The following ROBO1 variants were observed in gnomAD, a reference collection of about 807,000 sequenced individuals.
The protein encoded by ROBO1 is roundabout guidance receptor 1, also known as roundabout homolog 1.
A neutral mutation model predicts 195.9 loss-of-function variants in ROBO1; 149 were observed. The observed-to-expected ratio is 0.76, with a 90% CI of 0.67 to 0.87. ROBO1 has a LOEUF of 0.87. Ranked by LOEUF, ROBO1 falls within the 40% of genes least tolerant of loss-of-function variation. The pLI is 0.00. For missense variants in ROBO1, 1,933 were observed against 2,068.3 expected (o/e 0.93, Z 1.27); for synonymous variants, 816 against 733.2 (o/e 1.11, Z -1.82).
At chr3:78,734,187 C>T (rs1410329561) in intron 5 of ROBO1, among the ~76,000 whole-genome samples, 7 of 151,966 alleles carry the variant, frequency 4.6e-5, no homozygotes, top group African/African-American at 1.2e-4. Flanking sequence ...CAAGAGTTGG[C>T]GGAATTCCAT....
intron 14 of ROBO1, among the ~76,000 whole-genome samples, chr3:78,662,515 T>A (rs952483522): frequency 2.0e-5 from 3 of 152,104 alleles, no homozygotes; most frequent in African/African-American, 7.2e-5. Flanking sequence ...GAAAAGAGAC[T>A]GAAATTGTAG....
At chr3:79,077,676 C>T (rs2079197783) in intron 3 of ROBO1, among the ~76,000 whole-genome samples, 1 of 151,700 alleles carries the variant, frequency 6.6e-6, no homozygotes. Context: ...TCTTAAATTT[C>T]AGGAGAAAAA....
intron 4 of ROBO1, among the ~76,000 whole-genome samples, chr3:78,818,739 G>C (rs9822237): frequency 0.034 from 5,157 of 152,242 alleles, 285 homozygotes; most frequent in African/African-American, 0.12. Context: ...CCTCGGCCTT[G>C]GCTTCCGGGA....
chr3:79,503,622 T>C (rs1266378579), intron 2 of ROBO1, among the ~76,000 whole-genome samples: 1 of 152,170 alleles, frequency 6.6e-6, no homozygotes, highest in Non-Finnish European at 1.5e-5. Context: ...TAGGTCTGTG[T>C]CGAAGGAGCA....
intron 2 of ROBO1, among the ~76,000 whole-genome samples, chr3:79,329,013 A>T (rs1001519160): frequency 7.9e-5 from 12 of 152,142 alleles, no homozygotes; most frequent in African/African-American, 2.9e-4. Flanking sequence ...GTACAATTTT[A>T]CTTCATTTGT....
At chr3:78,934,975 T>G (rs1386505275) in intron 4 of ROBO1, among the ~76,000 whole-genome samples, 3 of 152,028 alleles carry the variant, frequency 2.0e-5, no homozygotes, top group Admixed American at 6.6e-5. Context: ...GCATACATGG[T>G]CAGTTCATGT....
At chr3:79,765,981 C>T (rs1576336755) in intron 1 of ROBO1, among the ~76,000 whole-genome samples, 5 of 152,198 alleles carry the variant, frequency 3.3e-5, no homozygotes, top group Middle Eastern at 6.8e-3. Flanking sequence ...GCAGATGACA[C>T]AGAGGAGTTT....
chr3:78,732,049 T>C (rs905295290), intron 5 of ROBO1, among the ~76,000 whole-genome samples: 2 of 152,160 alleles, frequency 1.3e-5, no homozygotes, highest in African/African-American at 2.4e-5. Flanking sequence ...TATTTTCCTA[T>C]ATTTTGGATT....
intron 28 of ROBO1, among the ~76,000 whole-genome samples, chr3:78,609,475 T>C (rs1266577988): frequency 6.6e-6 from 1 of 152,170 alleles, no homozygotes; most frequent in African/African-American, 2.4e-5. Context: ...GGTGACCAGA[T>C]AAAAAGGACC....
At chr3:79,399,724 G>A (rs1398002552) in intron 2 of ROBO1, among the ~76,000 whole-genome samples, 1 of 152,088 alleles carries the variant, frequency 6.6e-6, no homozygotes, top group Non-Finnish European at 1.5e-5. Flanking sequence ...GAAAAAACCT[G>A]ATGCTTTCAG....
intron 2 of ROBO1, among the ~76,000 whole-genome samples, chr3:79,164,310 A>G (rs1033326507): frequency 6.6e-5 from 10 of 152,192 alleles, no homozygotes; most frequent in Non-Finnish European, 1.5e-4. Flanking sequence ...TGGTTTCAAA[A>G]GTATATAGCA....
intron 3 of ROBO1, among the ~76,000 whole-genome samples, chr3:79,065,455 C>G (rs2078988625): frequency 6.6e-6 from 1 of 151,704 alleles, no homozygotes; most frequent in Admixed American, 6.6e-5. Flanking sequence ...ATATAATTTC[C>G]CAATAAAGGA....
chr3:79,617,011 A>T (rs1383506071), intron 1 of ROBO1, among the ~76,000 whole-genome samples: 1 of 152,324 alleles, frequency 6.6e-6, no homozygotes, highest in Middle Eastern at 3.4e-3. Flanking sequence ...CTTCAGTTAC[A>T]TTGTGGCCTT....
intron 26 of ROBO1, among the ~76,000 whole-genome samples, chr3:78,621,794 T>C (rs910826125): frequency 2.0e-5 from 3 of 152,164 alleles, no homozygotes; most frequent in Non-Finnish European, 4.4e-5. Flanking sequence ...TTCATAAACA[T>C]GTTCAAGAGA....
chr3:78,951,356 A>G (rs1277930994), intron 3 of ROBO1, among the ~76,000 whole-genome samples: 1 of 152,108 alleles, frequency 6.6e-6, no homozygotes, highest in Non-Finnish European at 1.5e-5. Flanking sequence ...TAAATTCCAC[A>G]TTCCTATAAA....
chr3:78,644,969 C>T (rs1221577291), intron 21 of ROBO1, among the ~76,000 whole-genome samples: 1 of 152,062 alleles, frequency 6.6e-6, no homozygotes, highest in Non-Finnish European at 1.5e-5. Context: ...GTTCTTATGC[C>T]AGAGGCTCTT....
At chr3:79,542,070 TC>T (rs1380023499) in intron 2 of ROBO1, among the ~76,000 whole-genome samples, 6 of 152,108 alleles carry the variant, frequency 3.9e-5, no homozygotes, top group South Asian at 2.1e-4. Flanking sequence ...CAGGCTTTGC[TC>T]TTTAGTTAAA....
chr3:79,328,035 T>C (rs2034285655), intron 2 of ROBO1, among the ~76,000 whole-genome samples: 1 of 152,198 alleles, frequency 6.6e-6, no homozygotes, highest in East Asian at 1.9e-4. Flanking sequence ...TAACCAAGTA[T>C]ATTTTCTCAA....
rs377222514 is a variant in ROBO1, at chr3:79,025,002, TG to T, written c.173-86076del. Among the ~76,000 whole-genome samples, 388 of 152,130 alleles carry T rather than the reference TG, an allele frequency of 2.6e-3. 5 individuals carry two copies. The highest frequency in any genetic ancestry group is 9.0e-3 in the African/African-American group (371 of 41,386). ...AGTGGTTTTCCTGTCTTACTTTAAG[TG>T]AGATCCCATGTCTTTCCAGAAGTCT... On this transcript the variant is annotated intron_variant, in intron 3 of 30. Coordinates refer to ENST00000464233, the MANE Select transcript of ROBO1 (RefSeq NM_002941.4).
Sources: allele counts gnomAD v4.1 joint callset (sites outside exome capture counted in the v4.1 genomes callset), GRCh38; gene constraint gnomAD v4.1.1; transcripts MANE v1.5; gene names NCBI Gene and HGNC (gene_info 2026-07-23, HGNC 2026-07-21).